GALNT16: variants seen among roughly 807,000 people sequenced by gnomAD.
The protein encoded by GALNT16 is polypeptide N-acetylgalactosaminyltransferase 16, also known as UDP-GalNAc:polypeptide N-acetylgalactosaminyltransferase-like protein 1.
GALNT16 carries 40 observed loss-of-function variants against 76.1 expected under a neutral mutation model. The ratio of observed to expected loss-of-function variants is 0.53; its 90% CI spans 0.41 to 0.68. The LOEUF (loss-of-function observed/expected upper bound fraction) is 0.68, where lower values mean the gene tolerates loss of function less well. Among genes scored for constraint, GALNT16 ranks in the 30% least tolerant of loss-of-function variants. The pLI, the probability that GALNT16 is intolerant of heterozygous loss-of-function variation, is 0.00. For synonymous variants in GALNT16, 276 were observed against 285.2 expected (o/e 0.97, Z 0.32); for missense variants, 621 against 731.9 (o/e 0.85, Z 1.75).
At chr14:69,380,855 A>C in the GALNT16 span, among the ~76,000 whole-genome samples, 1 of 152,260 alleles carries the variant, frequency 6.6e-6, no homozygotes, top group South Asian at 2.1e-4. Context: ...AAAAGAAAAC[A>C]TGACTTAGAA....
Position 69,333,582 on chromosome 14 carries a change from TGGGG to T in GALNT16, c.953_956del (p.Gly318GlufsTer83). The T allele has an allele frequency of 6.4e-7, 1 of 1,573,314 alleles. No individual in the cohort carries two copies. The highest frequency in any genetic ancestry group is 8.7e-7 in the Non-Finnish European group (1 of 1,147,730). On this transcript the variant is annotated frameshift_variant, in exon 9 of 15. Transcript: ENST00000448469. LOFTEE classifies it high-confidence loss of function. The surrounding 1 kb of genome is among the most constrained non-coding windows in gnomAD (Gnocchi z 4.2). The stretch of plus-strand genomic sequence containing the variant: ...AAAGTATGATGCCCAGATGGACATC[TGGGG>T]GGGAGAGAATTTTGGTGAGTTGGGA...
At chr14:69,357,816 G>A (rs1160609748), downstream of GALNT16, 2 of 152,282 alleles carry the variant, frequency 1.3e-5, no homozygotes, top group African/African-American at 2.4e-5. Context: ...TGACCCAGAC[G>A]GGGAGGCTTA....
intron 1 of GALNT16, among the ~76,000 whole-genome samples, chr14:69,273,326 C>T (rs775095588): frequency 2.6e-5 from 4 of 152,164 alleles, no homozygotes; most frequent in Admixed American, 1.3e-4. Flanking sequence ...TTTGGTGTTT[C>T]GTCTTTGTCC....
At chr14:69,326,564 G>A (rs2045287909) in intron 5 of GALNT16, among the ~76,000 whole-genome samples, 1 of 152,222 alleles carries the variant, frequency 6.6e-6, no homozygotes, top group Non-Finnish European at 1.5e-5. Context: ...TCAGAGGAGA[G>A]CTGGAGTGAG....
intron 9 of GALNT16, among the ~76,000 whole-genome samples, chr14:69,335,090 A>G (rs907350794): frequency 4.6e-5 from 7 of 152,244 alleles, no homozygotes; most frequent in Admixed American, 4.6e-4. Flanking sequence ...TAATGGGCGT[A>G]TGCAGCTCCT....
At chr14:69,339,641 G>C (rs893783835) in intron 11 of GALNT16, 22 bp downstream of exon 11, 1 of 1,458,490 alleles carries the variant, frequency 6.9e-7, no homozygotes, top group East Asian at 2.3e-5. Flanking sequence ...CAGCTCCACT[G>C]TCTGACTCCC....
the GALNT16 span, among the ~76,000 whole-genome samples, chr14:69,369,957 G>A: frequency 2.6e-5 from 4 of 152,172 alleles, no homozygotes; most frequent in Non-Finnish European, 5.9e-5. Flanking sequence ...GAGTGAGGCT[G>A]GGCACATTTG....
chr14:69,333,201 T>A lies in GALNT16; in HGVS notation c.863+32T>A. On this transcript the variant is annotated intron_variant, in intron 8 of 14. Coordinates refer to ENST00000448469, the MANE Select transcript of GALNT16 (RefSeq NM_001168368.2). The surrounding 1 kb of genome is among the most constrained non-coding windows in gnomAD (Gnocchi z 4.2). ...GCTGCGGTGGGCTCTGGGGGACCCC[T>A]TCCTTCCCTGGGTCAGGGGCCTGGG... is the stretch of plus-strand genomic sequence containing the variant. 6.9e-7 allele frequency: 1 copy of A among 1,456,996 alleles called. No individual in the cohort carries two copies. Among genetic ancestry groups the A allele is most frequent in the South Asian group, 1.2e-5 (1 of 82,074 alleles). 90.3% of individuals were successfully genotyped at this position (1,456,996 alleles called of 1,614,324 possible).
chr14:69,288,035 CCT>C (rs911471583), intron 1 of GALNT16, among the ~76,000 whole-genome samples: 19 of 152,208 alleles, frequency 1.2e-4, no homozygotes, highest in Admixed American at 6.5e-4. Flanking sequence ...GATCAGTGAC[CCT>C]CCAAGTCCAA....
At chr14:69,380,676 G>A in the GALNT16 span, 3 of 1,185,916 alleles carry the variant, frequency 2.5e-6, no homozygotes, top group African/African-American at 1.5e-5. Flanking sequence ...AGTCACAGTG[G>A]TCAATCACTG....
At chr14:69,265,322 T>C (rs541933132) in intron 1 of GALNT16, among the ~76,000 whole-genome samples, 1 of 152,348 alleles carries the variant, frequency 6.6e-6, no homozygotes, top group East Asian at 1.9e-4. Flanking sequence ...CTCATGCTTC[T>C]GCAGGTCTTT....
At chr14:69,340,220 C>T (rs2045469066) in intron 11 of GALNT16, among the ~76,000 whole-genome samples, 2 of 152,100 alleles carry the variant, frequency 1.3e-5, no homozygotes, top group South Asian at 4.1e-4. Flanking sequence ...ATGCATGTAC[C>T]TACACATGTA....
chr14:69,285,784 G>A (rs35859434), intron 1 of GALNT16, among the ~76,000 whole-genome samples: 52,592 of 151,880 alleles, frequency 0.35, 9,163 homozygotes, highest in East Asian at 0.43. Context: ...CCTCAGGGAC[G>A]GTGCCATCTC....
chr14:69,320,843 C>T lies in GALNT16; in HGVS notation c.310C>T (p.Pro104Ser), dbSNP rs1566878804. The change falls in exon 2 of 15, where the codon CCC becomes TCC. Residue 104 changes from proline (P) to serine (S), a missense_variant. Pro to Ser is a moderately conservative substitution (Grantham distance 74). Coordinates refer to ENST00000448469, the MANE Select transcript of GALNT16 (RefSeq NM_001168368.2). Reference sequence around the variant, plus strand: ...GAGTGACAAGCTGAGCCCAGACCGGCCCATCCGGGACACCCGCCATTACAG... The same window carrying T: ...GAGTGACAAGCTGAGCCCAGACCGGTCCATCCGGGACACCCGCCATTACAG... Reference protein sequence around the residue: ...LESDKLSPDRPIRDTRHYSCP... With the variant: ...LESDKLSPDRSIRDTRHYSCP... 8 of 1,613,320 alleles carry T rather than the reference C, an allele frequency of 5.0e-6. No homozygotes were observed. Among genetic ancestry groups the T allele is most frequent in the Non-Finnish European group, 5.1e-6 (6 of 1,179,520 alleles).
At chr14:69,339,742 T>C (rs1455472870) in intron 11 of GALNT16, 123 bp downstream of exon 11, 1 of 612,350 alleles carries the variant, frequency 1.6e-6, no homozygotes, top group African/African-American at 1.9e-5. Flanking sequence ...GAGGTCCCAC[T>C]CTAATGGGCT....
intron 9 of GALNT16, among the ~76,000 whole-genome samples, chr14:69,336,159 G>A (rs993761507): frequency 6.6e-6 from 1 of 152,118 alleles, no homozygotes; most frequent in African/African-American, 2.4e-5. Flanking sequence ...TGCCCAGGCT[G>A]GAAGGCAGTG....
At chr14:69,366,717 C>T in the GALNT16 span, among the ~76,000 whole-genome samples, 3 of 152,222 alleles carry the variant, frequency 2.0e-5, no homozygotes, top group African/African-American at 7.2e-5. Context: ...AATAGGCATA[C>T]ACAAGTGAGA....
chr14:69,324,235 T>A (rs2045245694), intron 2 of GALNT16, among the ~76,000 whole-genome samples: 1 of 151,946 alleles, frequency 6.6e-6, no homozygotes, highest in African/African-American at 2.4e-5. Flanking sequence ...TAGGGGTGAT[T>A]CCTCTGCAGA....
intron 1 of GALNT16, among the ~76,000 whole-genome samples, chr14:69,274,413 G>C (rs1312493321): frequency 6.6e-6 from 1 of 152,132 alleles, no homozygotes; most frequent in African/African-American, 2.4e-5. Context: ...GGAGTGGCTT[G>C]GCTAAATGGT....
Sources: gnomAD v4.1 joint callset for allele counts (sites outside exome capture counted in the v4.1 genomes callset) on GRCh38, gnomAD v4.1.1 for gene constraint, Gnocchi (gnomAD v3.1) non-coding constraint, MANE v1.5 for transcripts, NCBI Gene and HGNC (gene_info 2026-07-23, HGNC 2026-07-21) for gene names.